ARRDC3: variants seen among roughly 807,000 people sequenced by gnomAD.
The protein encoded by ARRDC3 is arrestin domain-containing protein 3.
ARRDC3 carries 10 observed loss-of-function variants against 47.2 expected under a neutral mutation model. The ratio of observed to expected loss-of-function variants is 0.21; its 90% CI spans 0.13 to 0.36. The LOEUF (loss-of-function observed/expected upper bound fraction) is 0.36, where lower values mean the gene tolerates loss of function less well. Among genes scored for constraint, ARRDC3 ranks in the 10% least tolerant of loss-of-function variants. ARRDC3 has a pLI of 1.00. For missense variants in ARRDC3, 381 were observed against 503.6 expected, an observed-to-expected ratio of 0.76 and a Z score of 2.33; for synonymous variants, 156 against 178.3, an observed-to-expected ratio of 0.87 and a Z score of 1.00.
chr5:91,376,647 T>C lies in ARRDC3; in HGVS notation c.484A>G (p.Ile162Val), dbSNP rs753254619. 8 of 1,612,040 alleles carry C rather than the reference T, an allele frequency of 5.0e-6. No individual in the cohort carries two copies. In the East Asian group the frequency reaches 1.6e-4, roughly 31 times the overall value. The change falls in exon 3 of 8, where the codon ATA becomes GTA. Residue 162 changes from isoleucine to valine, a missense_variant. Ile to Val is a conservative substitution (Grantham distance 29, BLOSUM62 3). Transcript: ENST00000265138. ...LKKEFTVFEH[I>V]DINTPSLLSP... ...AGTAATGAAGGAGTGTTGATATCTA[T>C]ATGCTCAAAGACTGTAAATTCCTTC... is the stretch of plus-strand genomic sequence containing the variant.
intron 1 of ARRDC3, chr5:91,380,726 A>T (rs754500139): frequency 1.3e-5 from 2 of 152,184 alleles, no homozygotes; most frequent in African/African-American, 2.4e-5. Context: ...TTCCCATCCA[A>T]CTTCCATCTG....
Position 91,369,787 on chromosome 5 carries a change from C to T in ARRDC3, c.*1613G>A, listed in dbSNP as rs1202479139. On this transcript the variant is annotated 3_prime_UTR_variant, in exon 8 of 8. Coordinates refer to ENST00000265138, the MANE Select transcript of ARRDC3 (RefSeq NM_020801.4). Reference sequence around the variant, plus strand: ...AACAACAACAACAACAAAATAAGTACACTTGGTACCTTGGAAAATGCTGAA... The same window carrying T: ...AACAACAACAACAACAAAATAAGTATACTTGGTACCTTGGAAAATGCTGAA... 2 of 152,042 alleles carry T rather than the reference C, an allele frequency of 1.3e-5. No homozygotes were observed. The highest frequency in any genetic ancestry group is 2.9e-5 in the Non-Finnish European group (2 of 68,014). The allele number at this position is 152,042 out of a possible 1,614,324, so 9.4% of individuals were successfully genotyped here.
intron 5 of ARRDC3, among the ~76,000 whole-genome samples, chr5:91,374,589 C>T (rs900097786): frequency 6.6e-6 from 1 of 151,902 alleles, no homozygotes; most frequent in Non-Finnish European, 1.5e-5. Context: ...AAAAAAACAC[C>T]AAAAACCTCT....
At chr5:91,375,254 G>A (rs948390186) in intron 4 of ARRDC3, 76 bp from the exon 5 acceptor site, 4 of 1,452,434 alleles carry the variant, frequency 2.8e-6, no homozygotes, top group Non-Finnish European at 3.7e-6. Flanking sequence ...TAAAGCTAAA[G>A]TAAGAAAGTG....
At position 91,373,717 on chromosome 5, in the gene ARRDC3, C is replaced by A. The variant is rs1234777837; in HGVS notation, c.1155G>T (p.Glu385Asp). 6.2e-7 allele frequency: 1 copy of A among 1,613,988 alleles called. No homozygotes were observed. The highest frequency in any genetic ancestry group is 8.5e-7 in the Non-Finnish European group (1 of 1,179,900). Residue 385 changes from glutamate (E) to aspartate (D), a missense_variant, in exon 7 of 8, where the codon GAG becomes GAT. Transcript: ENST00000265138. ...AAAGAGGTGGAGGCAAGAATCGAAA[C>A]TCCTGGATATATGCAAACAGTGGTC... ...LQGPLFAYIQ[E>D]FRFLPPPLYS...
At chr5:91,374,419 A>G (rs573221895) in intron 5 of ARRDC3, 143 bp from the exon 6 acceptor site, 1 of 682,504 alleles carries the variant, frequency 1.5e-6, no homozygotes, top group African/African-American at 1.8e-5. Context: ...TCTTTTATGT[A>G]TAATTCTGTA....
rs1165662442 is a variant in ARRDC3, at chr5:91,370,543, TG to T, written c.*856del. ...AAACACAAATAGCATTCCAACAGTT[TG>T]GCAAGTGATGCGTTCACCTGAGATT... is the stretch of plus-strand genomic sequence containing the variant. On this transcript the variant is annotated 3_prime_UTR_variant, in exon 8 of 8. Transcript: ENST00000265138. The T allele has an allele frequency of 7.2e-5, 11 of 152,588 alleles. No individual in the cohort carries two copies. Among genetic ancestry groups the T allele is most frequent in the Admixed American group, 7.2e-4 (11 of 15,262 alleles). The allele number at this position is 152,588 out of a possible 1,614,324, so 9.5% of individuals were successfully genotyped here. A position where few individuals can be genotyped will look rare whatever the true frequency, so the allele number is the denominator to read the frequency against.
At chr5:91,376,494 A>T in intron 3 of ARRDC3, 127 bp downstream of exon 3, 1 of 857,618 alleles carries the variant, frequency 1.2e-6, no homozygotes. Flanking sequence ...AAGAAAATGT[A>T]TATTTATGAA....
chr5:91,373,856 A>T lies in ARRDC3; in HGVS notation c.1034-18T>A. The T allele has an allele frequency of 1.2e-6, 2 of 1,613,548 alleles. No homozygotes were observed. Among genetic ancestry groups the T allele is most frequent in the South Asian group, 1.1e-5 (1 of 91,070 alleles). ...GGGTGGTGCTGAAGGAAAAAGATAC[A>T]CGCAATTCGAACAGCATGTTCTTAT... On this transcript the variant is annotated intron_variant, in intron 6 of 7. Transcript: ENST00000265138.
In ARRDC3 at chr5:91,369,258, AAG is replaced by A. The variant is rs1799112504; in HGVS notation, c.*2140_*2141del. ...AATTGTTCCCTAGTCAGTTAGACGT[AAG>A]AGAGAAAAGGGATTTTCTGACAATC... On this transcript the variant is annotated 3_prime_UTR_variant, in exon 8 of 8. Transcript: ENST00000265138. The A allele has an allele frequency of 6.6e-6, 1 of 152,574 alleles. No individual in the cohort carries two copies. Among genetic ancestry groups the A allele is most frequent in the South Asian group, 2.1e-4 (1 of 4,830 alleles). 9.5% of individuals were successfully genotyped at this position (152,574 alleles called of 1,614,324 possible).
Position 91,368,742 on chromosome 5 carries a change from A to G in ARRDC3, c.*2658T>C, listed in dbSNP as rs891269903. 4.6e-5 allele frequency: 7 copies of G among 152,630 alleles called. No individual in the cohort carries two copies. Among genetic ancestry groups the G allele is most frequent in the African/African-American group, 1.7e-4 (7 of 41,468 alleles). 9.5% of individuals were successfully genotyped at this position (152,630 alleles called of 1,614,324 possible). ...CAAACAATTATACAAAACAGAAAAA[A>G]ACAAAACACTTTATTTTCCACAAGG... On this transcript the variant is annotated 3_prime_UTR_variant, in exon 8 of 8. Coordinates refer to ENST00000265138, the MANE Select transcript of ARRDC3 (RefSeq NM_020801.4).
At position 91,383,056 on chromosome 5, in the gene ARRDC3, A is replaced by G; in HGVS notation, c.37T>C (p.Phe13Leu). ...ACATTGCTGTCATTAAGACAGTCAA[A>G]GCTTATTGTCAAACTCTTCACCTTT... ...LGKVKSLTIS[F>L]DCLNDSNVPV... The change falls in exon 1 of 8, where the codon TTT becomes CTT. Residue 13 changes from phenylalanine (F) to leucine (L), a missense_variant. Phe to Leu is a conservative substitution (Grantham distance 22, BLOSUM62 0). Transcript: ENST00000265138. 6.2e-7 allele frequency: 1 copy of G among 1,613,200 alleles called. No individual in the cohort carries two copies. Among genetic ancestry groups the G allele is most frequent in the African/African-American group, 1.3e-5 (1 of 75,016 alleles).
At position 91,383,293 on chromosome 5, in the gene ARRDC3, G is replaced by A; in HGVS notation, c.-201C>T. ...AGGCTGCTGCTCCGCGCTCCCGCTC[G>A]TCTCAGTGGTCTCCTTACAAAGACG... is the stretch of plus-strand genomic sequence containing the variant. On this transcript the variant is annotated 5_prime_UTR_variant, in exon 1 of 8. The change creates a new upstream start codon in the 5' untranslated region. Coordinates refer to ENST00000265138, the MANE Select transcript of ARRDC3 (RefSeq NM_020801.4). 1 of 526,402 alleles carries A rather than the reference G, an allele frequency of 1.9e-6. No homozygotes were observed. Among genetic ancestry groups the A allele is most frequent in the Non-Finnish European group, 3.3e-6 (1 of 304,908 alleles). 32.6% of individuals were successfully genotyped at this position (526,402 alleles called of 1,614,324 possible).
intron 1 of ARRDC3, 60 bp downstream of exon 1, chr5:91,382,753 C>T: frequency 1.3e-6 from 2 of 1,514,612 alleles, no homozygotes; most frequent in Non-Finnish European, 1.8e-6. Context: ...ATTCAGAAAA[C>T]TGAAAAGGTA....
At chr5:91,379,643 C>T (rs561353087) in intron 1 of ARRDC3, among the ~76,000 whole-genome samples, 1 of 151,234 alleles carries the variant, frequency 6.6e-6, no homozygotes, top group Non-Finnish European at 1.5e-5. Flanking sequence ...TAAATATAAT[C>T]GAAAATATGG....
At position 91,369,834 on chromosome 5, in the gene ARRDC3, T is replaced by C. The variant is rs1348933422; in HGVS notation, c.*1566A>G. 1 of 152,172 alleles carries C rather than the reference T, an allele frequency of 6.6e-6. No homozygotes were observed. Among genetic ancestry groups the C allele is most frequent in the Non-Finnish European group, 1.5e-5 (1 of 68,022 alleles). The allele number at this position is 152,172 out of a possible 1,614,324, so 9.4% of individuals were successfully genotyped here. On this transcript the variant is annotated 3_prime_UTR_variant, in exon 8 of 8. Coordinates refer to ENST00000265138, the MANE Select transcript of ARRDC3 (RefSeq NM_020801.4). ...TGAAATGCTATCATGAATGCTGGTA[T>C]ATTTGTTATGAGCCAACAGAAAATT...
Position 91,376,495 on chromosome 5 carries a change from T to C in ARRDC3, c.510+126A>G, listed in dbSNP as rs1456408796. 8.0e-6 allele frequency: 7 copies of C among 872,918 alleles called. No individual in the cohort carries two copies. The African/African-American group carries it at 1.0e-4, about 13-fold the overall frequency. The allele number at this position is 872,918 out of a possible 1,614,324, so 54.1% of individuals were successfully genotyped here. A position where few individuals can be genotyped will look rare whatever the true frequency, so the allele number is the denominator to read the frequency against. On this transcript the variant is annotated intron_variant, in intron 3 of 7. Transcript: ENST00000265138. ...TCTTGACTGTATTTAAGAAAATGTA[T>C]ATTTATGAAATTTTAAAAGAAAACC...
intron 2 of ARRDC3, 103 bp downstream of exon 2, chr5:91,378,591 G>GT (rs536147145): frequency 2.0e-3 from 1,385 of 681,096 alleles, no homozygotes; most frequent in Middle Eastern, 2.9e-3. Flanking sequence ...AATGAAAAGG[G>GT]TTTTTTTTTC....
chr5:91,369,108 ATACATT>A lies in ARRDC3; in HGVS notation c.*2286_*2291del, dbSNP rs531175678. ...ATAAAACTTTATTTGATAAAGTTTT[ATACATT>A]TAAAGTTTTATCACATTTTGTGATC... On this transcript the variant is annotated 3_prime_UTR_variant, in exon 8 of 8. Coordinates refer to ENST00000265138, the MANE Select transcript of ARRDC3 (RefSeq NM_020801.4). 4 of 152,500 alleles carry A rather than the reference ATACATT, an allele frequency of 2.6e-5. No individual in the cohort carries two copies. The highest frequency in any genetic ancestry group is 6.5e-5 in the Admixed American group (1 of 15,282). 9.4% of individuals were successfully genotyped at this position (152,500 alleles called of 1,614,324 possible).
Sources: gnomAD v4.1 joint callset for allele counts (sites outside exome capture counted in the v4.1 genomes callset) on GRCh38, gnomAD v4.1.1 for gene constraint, MANE v1.5 for transcripts, NCBI Gene and HGNC (gene_info 2026-07-23, HGNC 2026-07-21) for gene names.